The following TMTC2 variants were observed in gnomAD, a reference collection of about 807,000 sequenced individuals.
TMTC2 encodes the protein protein O-mannosyl-transferase TMTC2.
Under a neutral mutation model 82.4 loss-of-function variants are expected in TMTC2, and 43 were observed. The observed-to-expected ratio is 0.52, with a 90% CI of 0.41 to 0.67. The LOEUF (loss-of-function observed/expected upper bound fraction) is 0.67, where lower values mean the gene tolerates loss of function less well. Among genes scored for constraint, TMTC2 ranks in the 30% least tolerant of loss-of-function variants. TMTC2 has a pLI of 0.00. For synonymous variants in TMTC2, 408 were observed against 381.9 expected (o/e 1.07, Z -0.80); for missense variants, 919 against 1,012.4 (o/e 0.91, Z 1.25).
chr12:82,884,471 C>G (rs928834029), intron 2 of TMTC2, among the ~76,000 whole-genome samples: 2 of 152,166 alleles, frequency 1.3e-5, no homozygotes, highest in African/African-American at 4.8e-5. Context: ...TAGAAGGTAG[C>G]AAGGCACTTA....
At chr12:82,931,504 T>C (rs1222154706) in intron 4 of TMTC2, among the ~76,000 whole-genome samples, 3 of 152,188 alleles carry the variant, frequency 2.0e-5, no homozygotes, top group Non-Finnish European at 4.4e-5. Context: ...ATCTCTTCTT[T>C]GTCTCTTATA....
intron 2 of TMTC2, among the ~76,000 whole-genome samples, chr12:82,882,145 G>A (rs1423306579): frequency 6.7e-6 from 1 of 148,358 alleles, no homozygotes; most frequent in African/African-American, 2.5e-5. Flanking sequence ...GACTACAGGC[G>A]CCCGCCACTA....
chr12:82,809,494 G>T (rs562116246), intron 1 of TMTC2, among the ~76,000 whole-genome samples: 1 of 152,208 alleles, frequency 6.6e-6, no homozygotes, highest in African/African-American at 2.4e-5. Context: ...ATTTCTGCAG[G>T]GGAGATGGAT....
At chr12:82,859,121 G>A (rs2137118497) in intron 2 of TMTC2, among the ~76,000 whole-genome samples, 1 of 149,848 alleles carries the variant, frequency 6.7e-6, no homozygotes, top group Admixed American at 6.7e-5. Flanking sequence ...AGGCTGGAGT[G>A]CAGTGGCGCC....
In TMTC2 at chr12:82,896,521, G is replaced by C. The variant is rs142297207; in HGVS notation, c.1358G>C (p.Ser453Thr). Residue 453 changes from serine (S) to threonine (T), a missense_variant, in exon 3 of 12, where the codon AGC becomes ACC. Ser to Thr is a moderately conservative substitution (Grantham distance 58, BLOSUM62 1). Coordinates refer to ENST00000321196, the MANE Select transcript of TMTC2 (RefSeq NM_152588.3). Reference protein sequence around the residue: ...YVKVQKRFLKSLIFYATATLI... With the variant: ...YVKVQKRFLKTLIFYATATLI... The stretch of plus-strand genomic sequence containing the variant: ...AAAGTCCAAAAGCGGTTCCTCAAGA[G>C]CTTGATTTTTTATGCTACAGCTACA... 1 of 1,614,148 alleles carries C rather than the reference G, an allele frequency of 6.2e-7. No individual in the cohort carries two copies. Among genetic ancestry groups the C allele is most frequent in the African/African-American group, 1.3e-5 (1 of 75,040 alleles).
intron 1 of TMTC2, among the ~76,000 whole-genome samples, chr12:82,783,623 G>A (rs1878020175): frequency 6.6e-6 from 1 of 152,060 alleles, no homozygotes; most frequent in African/African-American, 2.4e-5. Context: ...AAATCTGGCC[G>A]GAAGCATGGT....
rs562257051 is a variant in TMTC2, at chr12:83,122,798, C to T, written c.2332-9412C>T. Among the ~76,000 whole-genome samples the T allele has an allele frequency of 3.3e-5, 5 of 152,274 alleles. No individual in the cohort carries two copies. In the East Asian group the frequency reaches 7.7e-4, roughly 24 times the overall value. On this transcript the variant is annotated intron_variant, in intron 11 of 11. Transcript: ENST00000321196. ...TTCAGCATGGATCCTCCACAGGCTG[C>T]TCTGTCTGTCCAATCAGAGCTGCAA...
chr12:82,764,589 C>A (rs948107838), intron 1 of TMTC2, among the ~76,000 whole-genome samples: 1 of 152,090 alleles, frequency 6.6e-6, no homozygotes, highest in African/African-American at 2.4e-5. Flanking sequence ...TATTAAAAGA[C>A]CACATTTTGC....
intron 11 of TMTC2, among the ~76,000 whole-genome samples, chr12:83,100,499 C>A (rs891661662): frequency 1.3e-5 from 2 of 152,026 alleles, no homozygotes; most frequent in African/African-American, 4.8e-5. Flanking sequence ...GATTAAAATT[C>A]AGATATTCGT....
chr12:82,865,414 AG>A (rs1390664154), intron 2 of TMTC2, among the ~76,000 whole-genome samples: 1 of 152,210 alleles, frequency 6.6e-6, no homozygotes, highest in Admixed American at 6.5e-5. Flanking sequence ...GAGACAAAGA[AG>A]GCCATTACAT....
chr12:82,865,181 G>A (rs1005015261), intron 2 of TMTC2, among the ~76,000 whole-genome samples: 5 of 152,022 alleles, frequency 3.3e-5, no homozygotes, highest in African/African-American at 7.2e-5. Context: ...AGCTGAGATC[G>A]CGTCGCTGCA....
At chr12:83,123,102 A>G (rs1236916254) in intron 11 of TMTC2, among the ~76,000 whole-genome samples, 1 of 152,224 alleles carries the variant, frequency 6.6e-6, no homozygotes, top group Non-Finnish European at 1.5e-5. Context: ...ATAGCCATAG[A>G]AATGTATAAC....
Position 82,687,291 on chromosome 12 carries a change from C to T in TMTC2, c.-296C>T, listed in dbSNP as rs1318537632. 6.1e-6 allele frequency: 3 copies of T among 493,106 alleles called. No homozygotes were observed. The highest frequency in any genetic ancestry group is 1.1e-5 in the Non-Finnish European group (3 of 269,358). 30.5% of individuals were successfully genotyped at this position (493,106 alleles called of 1,614,324 possible). A position where few individuals can be genotyped will look rare whatever the true frequency, so the allele number is the denominator to read the frequency against. On this transcript the variant is annotated 5_prime_UTR_variant, in exon 1 of 12. Coordinates refer to ENST00000321196, the MANE Select transcript of TMTC2 (RefSeq NM_152588.3). ...TCGCGACCCGCGCGAAAGACCAGCC[C>T]TGCGCTTCCGCCGGGGGACGCGGAG...
At chr12:82,768,679 A>G (rs972338785) in intron 1 of TMTC2, among the ~76,000 whole-genome samples, 5 of 151,732 alleles carry the variant, frequency 3.3e-5, no homozygotes, top group Non-Finnish European at 5.9e-5. Flanking sequence ...GGTTTCTGGC[A>G]TCTTGGTGGT....
intron 4 of TMTC2, among the ~76,000 whole-genome samples, chr12:82,936,830 G>A (rs975625100): frequency 1.3e-5 from 2 of 152,060 alleles, no homozygotes; most frequent in Non-Finnish European, 2.9e-5. Context: ...TTGGGGTAGT[G>A]ACATTTTCTT....
intron 11 of TMTC2, among the ~76,000 whole-genome samples, chr12:83,106,729 C>A (rs367732378): frequency 1.3e-5 from 2 of 152,228 alleles, no homozygotes; most frequent in African/African-American, 4.8e-5. Context: ...AGATAGAAGA[C>A]AATGGAATAG....
At position 82,857,453 on chromosome 12, in the gene TMTC2, G is replaced by T; in HGVS notation, c.527G>T (p.Gly176Val). 1 of 1,614,232 alleles carries T rather than the reference G, an allele frequency of 6.2e-7. No individual in the cohort carries two copies. The highest frequency in any genetic ancestry group is 2.2e-5 in the East Asian group (1 of 44,886). The change falls in exon 2 of 12, where the codon GGA (glycine) becomes GTA (valine). Residue 176 changes from glycine (G) to valine (V), a missense_variant. Transcript: ENST00000321196. Reference protein sequence around the residue: ...ARTWGWFLGSGLCAGCSMLWK... With the variant: ...ARTWGWFLGSVLCAGCSMLWK... ...ACCTGGGGCTGGTTCCTGGGGTCAGGACTGTGCGCAGGATGCAGCATGTTG... is the reference window on the plus strand; with the variant it reads ...ACCTGGGGCTGGTTCCTGGGGTCAGTACTGTGCGCAGGATGCAGCATGTTG...
chr12:83,050,871 G>A (rs759974433), intron 9 of TMTC2, 33 bp from the exon 10 acceptor site: 3 of 1,464,880 alleles, frequency 2.0e-6, no homozygotes, highest in Non-Finnish European at 1.9e-6. Context: ...GGGATTTTCT[G>A]AGTTGAAGCT....
At chr12:82,795,309 C>CT (rs997599192) in intron 1 of TMTC2, among the ~76,000 whole-genome samples, 3 of 100,664 alleles carry the variant, frequency 3.0e-5, no homozygotes, top group African/African-American at 1.1e-4. Flanking sequence ...GAGATTCCAT[C>CT]TCAAAAAAAA....
Sources: gnomAD v4.1 joint callset for allele counts (sites outside exome capture counted in the v4.1 genomes callset) on GRCh38, gnomAD v4.1.1 for gene constraint, MANE v1.5 for transcripts, NCBI Gene and HGNC (gene_info 2026-07-23, HGNC 2026-07-21) for gene names.